ILDR1: variants seen among roughly 807,000 people sequenced by gnomAD.
ILDR1 encodes the protein immunoglobulin like domain containing receptor 1.
In ILDR1, 56 loss-of-function variants were observed where a neutral mutation model predicts 62.4. That is an observed-to-expected ratio of 0.90 (90% confidence interval 0.72 to 1.12). The LOEUF (loss-of-function observed/expected upper bound fraction) is 1.12. Among genes scored for constraint, ILDR1 ranks in the 50% most tolerant of loss-of-function variants. ILDR1 has a pLI of 0.00. For synonymous variants in ILDR1, 284 were observed against 277.8 expected, an observed-to-expected ratio of 1.02 and a Z score of -0.22; for missense variants, 736 against 710.6, an observed-to-expected ratio of 1.04 and a Z score of -0.41.
At chr3:122,029,504 T>TAAAAAA in the ILDR1 span, among the ~76,000 whole-genome samples, 256 of 138,514 alleles carry the variant, frequency 1.8e-3, no homozygotes, top group African/African-American at 6.5e-3. Context: ...ACACTCCGTC[T>TAAAAAA]AAAAAAAATA....
At chr3:122,039,762 A>T in the ILDR1 span, among the ~76,000 whole-genome samples, 4 of 152,102 alleles carry the variant, frequency 2.6e-5, no homozygotes, top group Admixed American at 6.5e-5. Context: ...ATTGTTACTT[A>T]TATTTCAATG....
chr3:121,993,066 G>T (rs2071373172), intron 7 of ILDR1, 84 bp downstream of exon 7: 5 of 1,131,276 alleles, frequency 4.4e-6, no homozygotes, highest in Non-Finnish European at 6.5e-6. Context: ...GGAATGAGAG[G>T]CAGCCTGTGT....
intron 1 of ILDR1, among the ~76,000 whole-genome samples, chr3:122,017,044 T>G (rs2071785833): frequency 6.6e-6 from 1 of 152,042 alleles, no homozygotes; most frequent in African/African-American, 2.4e-5. Flanking sequence ...TCTCAATTCT[T>G]TATTTTATTT....
the ILDR1 span, among the ~76,000 whole-genome samples, chr3:122,048,232 T>G: frequency 6.6e-6 from 1 of 152,254 alleles, no homozygotes; most frequent in Non-Finnish European, 1.5e-5. Flanking sequence ...TTTAATGATG[T>G]ACCATACTAA....
the ILDR1 span, among the ~76,000 whole-genome samples, chr3:122,058,050 G>A: frequency 6.6e-6 from 1 of 152,182 alleles, no homozygotes; most frequent in African/African-American, 2.4e-5. Context: ...ATGGTAATAT[G>A]TCGTAAAGTA....
chr3:121,988,172 C>T lies in ILDR1; in HGVS notation c.*195G>A, dbSNP rs1290221778. ...AAGTGATTCTTAGCCTCCCAAAGTG[C>T]TGTGATTACAGGTGTGAGCCACTAT... On this transcript the variant is annotated 3_prime_UTR_variant, in exon 8 of 8. Transcript: ENST00000344209. 1 of 663,724 alleles carries T rather than the reference C, an allele frequency of 1.5e-6. No individual in the cohort carries two copies. Among genetic ancestry groups the T allele is most frequent in the Admixed American group, 2.1e-5 (1 of 48,644 alleles). The allele number at this position is 663,724 out of a possible 1,614,324, so 41.1% of individuals were successfully genotyped here.
chr3:122,055,407 C>CGG, the ILDR1 span: 1 of 1,377,108 alleles, frequency 7.3e-7, no homozygotes, highest in South Asian at 1.2e-5. Context: ...CTTTGCTTCT[C>CGG]TGCTGCTGTA....
At chr3:122,050,184 C>G in the ILDR1 span, among the ~76,000 whole-genome samples, 1 of 152,180 alleles carries the variant, frequency 6.6e-6, no homozygotes, top group Non-Finnish European at 1.5e-5. Context: ...GTAGACAGTG[C>G]ATAGTTGGAT....
chr3:122,021,362 G>T (rs1167920779), intron 1 of ILDR1, among the ~76,000 whole-genome samples: 2 of 152,208 alleles, frequency 1.3e-5, no homozygotes, highest in Non-Finnish European at 2.9e-5. Context: ...CACACACAGA[G>T]ATACACAAAA....
At chr3:122,047,273 G>C in the ILDR1 span, among the ~76,000 whole-genome samples, 13 of 152,278 alleles carry the variant, frequency 8.5e-5, no homozygotes, top group African/African-American at 1.4e-4. Context: ...GCAGTCTGCC[G>C]GTTCTCAGAT....
the ILDR1 span, among the ~76,000 whole-genome samples, chr3:122,056,439 A>T: frequency 2.6e-5 from 4 of 152,114 alleles, no homozygotes; most frequent in African/African-American, 4.8e-5. Context: ...GATTCAAACG[A>T]TTCTCCTTCC....
chr3:122,038,151 C>T, the ILDR1 span, among the ~76,000 whole-genome samples: 3 of 152,286 alleles, frequency 2.0e-5, no homozygotes, highest in South Asian at 6.2e-4. Context: ...TGAAAATGGA[C>T]TACTACAAAA....
In ILDR1 at chr3:122,022,146, GC is replaced by G; in HGVS notation, c.-70del. 1 of 1,337,292 alleles carries G rather than the reference GC, an allele frequency of 7.5e-7. No individual in the cohort carries two copies. Among genetic ancestry groups the G allele is most frequent in the Non-Finnish European group, 1.0e-6 (1 of 958,644 alleles). The allele number at this position is 1,337,292 out of a possible 1,614,324, so 82.8% of individuals were successfully genotyped here. On this transcript the variant is annotated 5_prime_UTR_variant, in exon 1 of 8. Coordinates refer to ENST00000344209, the MANE Select transcript of ILDR1 (RefSeq NM_001199799.2). Reference sequence around the variant, plus strand: ...ACTGCGTCTTTCTTCCTCAGCTGCCGCCCCAGGACGCACCACCTTCTCCAAG... The same window carrying G: ...ACTGCGTCTTTCTTCCTCAGCTGCCGCCCAGGACGCACCACCTTCTCCAAG...
chr3:122,047,562 C>A, the ILDR1 span, among the ~76,000 whole-genome samples: 1 of 152,162 alleles, frequency 6.6e-6, no homozygotes, highest in Non-Finnish European at 1.5e-5. Context: ...TAGCAGTCAG[C>A]GAGATTCCGT....
At chr3:121,992,954 C>T (rs1194086125) in intron 7 of ILDR1, among the ~76,000 whole-genome samples, 196 bp downstream of exon 7, 1 of 152,252 alleles carries the variant, frequency 6.6e-6, no homozygotes, top group African/African-American at 2.4e-5. Context: ...GAACTCTCCC[C>T]TGCCCTCTGC....
chr3:122,030,279 C>T, the ILDR1 span, among the ~76,000 whole-genome samples: 2 of 151,896 alleles, frequency 1.3e-5, no homozygotes, highest in Non-Finnish European at 2.9e-5. Flanking sequence ...CAAGTCATAG[C>T]AACAAAGGTA....
the ILDR1 span, among the ~76,000 whole-genome samples, chr3:122,033,808 A>T: frequency 6.6e-6 from 1 of 152,260 alleles, no homozygotes; most frequent in Non-Finnish European, 1.5e-5. Context: ...ACATGTGTAA[A>T]TCTGATTCTG....
rs2071589929 is a variant in ILDR1 at position 122,005,308 on chromosome 3, C to A, written c.315G>T (p.Arg105=). Residue 105 remains arginine (R), a synonymous_variant, in exon 3 of 8, where the codon CGG becomes CGT. Transcript: ENST00000344209. Reference sequence around the variant, plus strand: ...CCAGCACGGGCTCATTCTGCCCCCGCCGCTGGGCCACTATGCGAACTTCCC... The same window carrying A: ...CCAGCACGGGCTCATTCTGCCCCCGACGCTGGGCCACTATGCGAACTTCCC... The part of the protein sequence containing the change: ...NQREVRIVAQ[R]RGQNEPVLGV... 6.2e-7 allele frequency: 1 copy of A among 1,614,000 alleles called. No homozygotes were observed. Among genetic ancestry groups the A allele is most frequent in the Non-Finnish European group, 8.5e-7 (1 of 1,179,962 alleles).
chr3:122,017,608 C>G (rs1434277919), intron 1 of ILDR1, among the ~76,000 whole-genome samples: 2 of 152,120 alleles, frequency 1.3e-5, no homozygotes, highest in Non-Finnish European at 2.9e-5. Flanking sequence ...GAACAGGCAG[C>G]CTACAGAATG....
Sources: allele counts gnomAD v4.1 joint callset (sites outside exome capture counted in the v4.1 genomes callset), GRCh38; gene constraint gnomAD v4.1.1; transcripts MANE v1.5; gene names NCBI Gene and HGNC (gene_info 2026-07-23, HGNC 2026-07-21).